Variants in ITGB1BP1 observed in about 807,000 individuals in gnomAD.
The protein encoded by ITGB1BP1 is integrin beta-1-binding protein 1.
ITGB1BP1 carries 20 observed loss-of-function variants against 28.0 expected under a neutral mutation model. The ratio of observed to expected loss-of-function variants is 0.71; its 90% CI spans 0.50 to 1.04. ITGB1BP1 has a LOEUF of 1.04. Among genes scored for constraint, ITGB1BP1 ranks in the 50% least tolerant of loss-of-function variants. ITGB1BP1 has a pLI of 0.00. For missense variants in ITGB1BP1, 228 were observed against 242.5 expected (o/e 0.94, Z 0.40); for synonymous variants, 103 against 89.5 (o/e 1.15, Z -0.85).
rs192678809 is a variant in ITGB1BP1 at position 9,406,753 on chromosome 2, T to C, written c.*81A>G. On this transcript the variant is annotated 3_prime_UTR_variant, in exon 7 of 7. Transcript: ENST00000355346. Reference sequence around the variant, plus strand: ...AAATCTAGAGCAAGGGATAACTTCATTATTTGCATAACATTTCAGCATTGC... The same window carrying C: ...AAATCTAGAGCAAGGGATAACTTCACTATTTGCATAACATTTCAGCATTGC... The C allele has an allele frequency of 1.1e-5, 10 of 933,044 alleles. No homozygotes were observed. The highest frequency in any genetic ancestry group is 1.8e-5 in the Non-Finnish European group (10 of 559,930). 57.8% of individuals were successfully genotyped at this position (933,044 alleles called of 1,614,324 possible).
Position 9,408,013 on chromosome 2 carries a change from ACT to A in ITGB1BP1, c.381+98_381+99del, listed in dbSNP as rs986759862. ...TGCCAGGAATGTTTACAAACCAATC[ACT>A]CTGCAAACAGGAGTGGCCCTAATTA... is the stretch of plus-strand genomic sequence containing the variant. On this transcript the variant is annotated intron_variant, in intron 5 of 6. Coordinates refer to ENST00000355346, the MANE Select transcript of ITGB1BP1 (RefSeq NM_004763.5). 10 of 697,532 alleles carry A rather than the reference ACT, an allele frequency of 1.4e-5. No homozygotes were observed. The African/African-American group carries it at 1.8e-4, about 13-fold the overall frequency. The allele number at this position is 697,532 out of a possible 1,614,324, so 43.2% of individuals were successfully genotyped here.
At position 9,414,167 on chromosome 2, in the gene ITGB1BP1, C is replaced by T; in HGVS notation, c.151+11G>A. ...AGCGCAGACAATCAATGATCCAACC[C>T]TTTTATGTACCTGAGCTTTTGGTGG... is the stretch of plus-strand genomic sequence containing the variant. On this transcript the variant is annotated intron_variant, in intron 3 of 6. Transcript: ENST00000355346. 6.2e-7 allele frequency: 1 copy of T among 1,610,726 alleles called. No individual in the cohort carries two copies. Among genetic ancestry groups the T allele is most frequent in the Non-Finnish European group, 8.5e-7 (1 of 1,176,998 alleles).
rs370946256 is a variant in ITGB1BP1, at chr2:9,408,181, G to A, written c.313C>T (p.Pro105Ser). Reference protein sequence around the residue: ...AQQDGKLPFVPPEEEFIMGVS... With the variant: ...AQQDGKLPFVSPEEEFIMGVS... ...CCCATAATAAATTCTTCCTCCGGAG[G>A]AACAAAAGGCAACTTTCCATCTTGC... is the stretch of plus-strand genomic sequence containing the variant. Residue 105 changes from proline to serine, a missense_variant, in exon 5 of 7, where the codon CCT becomes TCT. By Grantham distance (74) the Pro-to-Ser change is moderately conservative. Coordinates refer to ENST00000355346, the MANE Select transcript of ITGB1BP1 (RefSeq NM_004763.5). 3.7e-6 allele frequency: 6 copies of A among 1,600,582 alleles called. No homozygotes were observed. Among genetic ancestry groups the A allele is most frequent in the Non-Finnish European group, 5.1e-6 (6 of 1,168,288 alleles).
At chr2:9,422,020 T>C (rs1679938819) in intron 1 of ITGB1BP1, among the ~76,000 whole-genome samples, 1 of 152,144 alleles carries the variant, frequency 6.6e-6, no homozygotes, top group Admixed American at 6.5e-5. Flanking sequence ...ACTATTTTTT[T>C]AGAAACTGAT....
intron 3 of ITGB1BP1, among the ~76,000 whole-genome samples, chr2:9,413,589 C>T (rs574884496): frequency 7.0e-4 from 106 of 152,262 alleles, no homozygotes; most frequent in Non-Finnish European, 1.1e-3. Flanking sequence ...CTTGGACCCC[C>T]GAAGTGCTGG....
At chr2:9,414,289 A>C in intron 2 of ITGB1BP1, 33 bp from the exon 3 acceptor site, 1 of 1,536,280 alleles carries the variant, frequency 6.5e-7, no homozygotes, top group Non-Finnish European at 9.0e-7. Flanking sequence ...AAAAACCTCC[A>C]CTGAAGCAGC....
At chr2:9,410,564 C>A (rs1043978668) in intron 4 of ITGB1BP1, among the ~76,000 whole-genome samples, 1 of 152,122 alleles carries the variant, frequency 6.6e-6, no homozygotes. Context: ...CTCAGCCTCC[C>A]GAGTAGCTGG....
intron 1 of ITGB1BP1, 32 bp from the exon 2 acceptor site, chr2:9,418,764 C>A (rs915367886): frequency 9.0e-6 from 12 of 1,337,880 alleles, no homozygotes; most frequent in Admixed American, 4.0e-5. Context: ...ACAGTTACAT[C>A]GGGAAAAGCA....
At chr2:9,416,760 G>C (rs944933428) in intron 2 of ITGB1BP1, among the ~76,000 whole-genome samples, 1 of 152,030 alleles carries the variant, frequency 6.6e-6, no homozygotes, top group Non-Finnish European at 1.5e-5. Context: ...ATTACCTCAC[G>C]CACCTTCATG....
At position 9,410,938 on chromosome 2, in the gene ITGB1BP1, C is replaced by G. The variant is rs552824335; in HGVS notation, c.288+1331G>C. ...AGAGAGTACACATTCTTAACACTCT[C>G]TGAAGTTAAGGAATCTTGGTATTGC... On this transcript the variant is annotated intron_variant, in intron 4 of 6. Coordinates refer to ENST00000355346, the MANE Select transcript of ITGB1BP1 (RefSeq NM_004763.5). Among the ~76,000 whole-genome samples the G allele has an allele frequency of 6.6e-5, 10 of 152,288 alleles. No individual in the cohort carries two copies. The South Asian group carries it at 1.7e-3, about 25-fold the overall frequency.
intron 1 of ITGB1BP1, chr2:9,422,825 C>T (rs1485827868): frequency 2.0e-6 from 2 of 986,096 alleles, no homozygotes; most frequent in Admixed American, 1.2e-4. Context: ...GGATAACAGC[C>T]CCTTTCAAAC....
chr2:9,409,154 G>A (rs939141289), intron 4 of ITGB1BP1, among the ~76,000 whole-genome samples: 4 of 152,222 alleles, frequency 2.6e-5, no homozygotes, highest in South Asian at 2.1e-4. Context: ...CGGACGATCC[G>A]GTCTCGGCTC....
At chr2:9,416,225 T>G (rs1167070730) in intron 2 of ITGB1BP1, among the ~76,000 whole-genome samples, 1 of 152,190 alleles carries the variant, frequency 6.6e-6, no homozygotes, top group Non-Finnish European at 1.5e-5. Flanking sequence ...AAGGTCTCAT[T>G]CACTACCTGC....
At chr2:9,414,385 C>A in intron 2 of ITGB1BP1, 129 bp from the exon 3 acceptor site, 4 of 612,218 alleles carry the variant, frequency 6.5e-6, no homozygotes, top group Non-Finnish European at 8.6e-6. Context: ...ATTATTCAGG[C>A]ATATCGACTG....
chr2:9,421,064 C>T (rs990424319), intron 1 of ITGB1BP1, among the ~76,000 whole-genome samples: 2 of 152,128 alleles, frequency 1.3e-5, no homozygotes, highest in Non-Finnish European at 2.9e-5. Context: ...ATGTTAATGG[C>T]GCTCACGGGT....
rs528060745 is a variant in ITGB1BP1, at chr2:9,415,679, T to G, written c.73-1423A>C. On this transcript the variant is annotated intron_variant, in intron 2 of 6. Transcript: ENST00000355346. This position sits in a 1 kb window ranked among gnomAD's most constrained non-coding sequence, Gnocchi z 4.1. ...AGGAAGTGGCAGTAGGGAGGTTCTG[T>G]GTTGAGCAGCTCCAGGAGTTCAAAA... 3.3e-5 allele frequency among the ~76,000 whole-genome samples: 5 copies of G among 152,310 alleles called. No individual in the cohort carries two copies. The East Asian group carries it at 7.7e-4, about 23-fold the overall frequency.
Position 9,415,968 on chromosome 2 carries a change from C to T in ITGB1BP1, c.73-1712G>A, listed in dbSNP as rs374395361. 2.7e-3 allele frequency among the ~76,000 whole-genome samples: 418 copies of T among 152,370 alleles called. 3 individuals carry two copies. Among genetic ancestry groups the T allele is most frequent in the African/African-American group, 9.8e-3 (407 of 41,594 alleles). ...CTAGGGAGGCATCTCCTGAGGGGGC[C>T]TTGTGCGACCCTGCGAGACGCCTCC... On this transcript the variant is annotated intron_variant, in intron 2 of 6. Coordinates refer to ENST00000355346, the MANE Select transcript of ITGB1BP1 (RefSeq NM_004763.5). The surrounding 1 kb of genome is among the most constrained non-coding windows in gnomAD (Gnocchi z 4.1).
At chr2:9,422,045 C>G (rs1679943187) in intron 1 of ITGB1BP1, among the ~76,000 whole-genome samples, 1 of 152,112 alleles carries the variant, frequency 6.6e-6, no homozygotes, top group African/African-American at 2.4e-5. Flanking sequence ...GTGATGGATC[C>G]TCACCCTATA....
Position 9,405,743 on chromosome 2 carries a change from G to A in ITGB1BP1, c.*1091C>T, listed in dbSNP as rs923656579. On this transcript the variant is annotated 3_prime_UTR_variant, in exon 7 of 7. Coordinates refer to ENST00000355346, the MANE Select transcript of ITGB1BP1 (RefSeq NM_004763.5). ...GTATATTGACAGTCCTTTAAAAAAA[G>A]TACACTATCATACTGTACATGGGAT... 1 of 152,088 alleles carries A rather than the reference G, an allele frequency of 6.6e-6. No homozygotes were observed. The highest frequency in any genetic ancestry group is 2.4e-5 in the African/African-American group (1 of 41,358). The allele number at this position is 152,088 out of a possible 1,614,324, so 9.4% of individuals were successfully genotyped here. A position where few individuals can be genotyped will look rare whatever the true frequency, so the allele number is the denominator to read the frequency against.
Sources: gnomAD v4.1 joint callset for allele counts (sites outside exome capture counted in the v4.1 genomes callset) on GRCh38, gnomAD v4.1.1 for gene constraint, Gnocchi (gnomAD v3.1) non-coding constraint, MANE v1.5 for transcripts, NCBI Gene and HGNC (gene_info 2026-07-23, HGNC 2026-07-21) for gene names.